Variants in DPP6 observed in about 807,000 individuals in gnomAD.
The protein encoded by DPP6 is A-type potassium channel modulatory protein DPP6.
DPP6 carries 69 observed loss-of-function variants against 122.6 expected under a neutral mutation model. The ratio of observed to expected loss-of-function variants is 0.56; its 90% CI spans 0.46 to 0.69. The LOEUF (loss-of-function observed/expected upper bound fraction) is 0.69. DPP6 is among the 30% of genes least tolerant of loss of function. DPP6 has a pLI of 0.00. For synonymous variants in DPP6, 418 were observed against 433.1 expected (o/e 0.97, Z 0.43); for missense variants, 928 against 1,116.9 (o/e 0.83, Z 2.41).
At chr7:153,851,065 A>G in the DPP6 span, among the ~76,000 whole-genome samples, 1 of 152,226 alleles carries the variant, frequency 6.6e-6, no homozygotes, top group South Asian at 2.1e-4. Flanking sequence ...ATTTCTATTT[A>G]CACCTATATT....
At position 154,804,207 on chromosome 7, in the gene DPP6, C is replaced by G. The variant is rs566089614; in HGVS notation, c.1499+252C>G. ...CAGCCCATGAAGGGAAGCACGCTAG[C>G]GGCAGTAGTAGGGGTAGTACTGATG... On this transcript the variant is annotated intron_variant, in intron 14 of 25. Coordinates refer to ENST00000377770, the MANE Select transcript of DPP6 (RefSeq NM_130797.4). Among the ~76,000 whole-genome samples the G allele has an allele frequency of 1.2e-4, 18 of 152,352 alleles. No individual in the cohort carries two copies. In the East Asian group the frequency reaches 3.5e-3, roughly 29 times the overall value.
At chr7:154,209,822 G>A (rs1585637790) in intron 1 of DPP6, among the ~76,000 whole-genome samples, 2 of 152,306 alleles carry the variant, frequency 1.3e-5, no homozygotes, top group South Asian at 4.1e-4. Flanking sequence ...TATTAAGATT[G>A]CATTTCTTCA....
At chr7:154,086,831 A>G (rs1029259214) in intron 1 of DPP6, among the ~76,000 whole-genome samples, 1 of 151,896 alleles carries the variant, frequency 6.6e-6, no homozygotes, top group Admixed American at 6.6e-5. Context: ...GTTGGCCAGG[A>G]TGGTCTCGAA....
At chr7:154,040,564 A>T (rs1799707200) in intron 1 of DPP6, among the ~76,000 whole-genome samples, 2 of 147,914 alleles carry the variant, frequency 1.4e-5, no homozygotes, top group Admixed American at 6.6e-5. Flanking sequence ...TCACATTCAA[A>T]CAACAATTCT....
At chr7:154,641,136 C>T (rs749017527) in intron 6 of DPP6, among the ~76,000 whole-genome samples, 1 of 152,152 alleles carries the variant, frequency 6.6e-6, no homozygotes, top group African/African-American at 2.4e-5. Flanking sequence ...TTCCTTCCTC[C>T]GATGGCTGTG....
intron 1 of DPP6, among the ~76,000 whole-genome samples, chr7:154,156,252 T>C (rs1796674017): frequency 6.6e-6 from 1 of 152,282 alleles, no homozygotes. Context: ...GGTATTTCTT[T>C]GGCAGGATGC....
intron 25 of DPP6, 64 bp from the exon 26 acceptor site, chr7:154,892,270 G>A: frequency 6.2e-7 from 1 of 1,609,110 alleles, no homozygotes; most frequent in African/African-American, 1.3e-5. Flanking sequence ...CACACCTTCT[G>A]TGCGTTCCCG....
intron 12 of DPP6, among the ~76,000 whole-genome samples, chr7:154,797,174 T>C (rs1297776744): frequency 6.6e-6 from 1 of 152,246 alleles, no homozygotes; most frequent in African/African-American, 2.4e-5. Flanking sequence ...CTATATATCA[T>C]GTGTTCAACC....
chr7:154,538,869 G>A (rs1218790580), intron 3 of DPP6, among the ~76,000 whole-genome samples: 1 of 152,192 alleles, frequency 6.6e-6, no homozygotes, highest in African/African-American at 2.4e-5. Context: ...ATTTGTTCAT[G>A]AAAGTATTAC....
intron 7 of DPP6, among the ~76,000 whole-genome samples, chr7:154,708,812 C>T (rs1239020395): frequency 6.6e-6 from 1 of 152,198 alleles, no homozygotes; most frequent in Non-Finnish European, 1.5e-5. Context: ...CTTTAGGAGG[C>T]AGAGACAGAC....
intron 3 of DPP6, among the ~76,000 whole-genome samples, chr7:154,514,684 C>T (rs1192948777): frequency 2.6e-5 from 4 of 152,172 alleles, no homozygotes; most frequent in African/African-American, 7.2e-5. Context: ...TAATGTCTTA[C>T]GGGTTCATCC....
the DPP6 span, among the ~76,000 whole-genome samples, chr7:153,766,814 C>G: frequency 6.6e-6 from 1 of 151,990 alleles, no homozygotes; most frequent in Admixed American, 6.5e-5. Flanking sequence ...TTTAAAAAAA[C>G]AAGCAAAAAC....
intron 7 of DPP6, among the ~76,000 whole-genome samples, chr7:154,688,754 GT>G (rs1839772465): frequency 1.3e-5 from 2 of 152,048 alleles, no homozygotes; most frequent in African/African-American, 4.8e-5. Context: ...TGATTAGATT[GT>G]GCCCACCCGA....
chr7:153,886,838 C>T (rs527302703), upstream of DPP6, among the ~76,000 whole-genome samples: 2 of 152,310 alleles, frequency 1.3e-5, no homozygotes, highest in South Asian at 2.1e-4. Flanking sequence ...CCGCGTCTGG[C>T]TCTTCCCGGC....
At chr7:153,788,504 C>A in the DPP6 span, among the ~76,000 whole-genome samples, 1 of 152,204 alleles carries the variant, frequency 6.6e-6, no homozygotes, top group African/African-American at 2.4e-5. Context: ...GACATTTTAA[C>A]ATAAAATTAT....
chr7:153,815,132 T>A, the DPP6 span, among the ~76,000 whole-genome samples: 1 of 152,192 alleles, frequency 6.6e-6, no homozygotes, highest in South Asian at 2.1e-4. Flanking sequence ...GAGAAGGAAA[T>A]AAAGGGTATT....
chr7:153,945,551 C>T (rs1448537177), intron 1 of DPP6, among the ~76,000 whole-genome samples: 2 of 152,108 alleles, frequency 1.3e-5, no homozygotes, highest in African/African-American at 2.4e-5. Context: ...TAGAGAGCAC[C>T]TCGTATAAGA....
chr7:154,604,933 A>T lies in DPP6; in HGVS notation c.628-32888A>T, dbSNP rs748823129. 2.5e-5 allele frequency among the ~76,000 whole-genome samples: 3 copies of T among 119,908 alleles called. 1 individual carries two copies. The highest frequency in any genetic ancestry group is 5.6e-5 in the Non-Finnish European group (3 of 53,314). 78.7% of individuals were successfully genotyped at this position (119,908 alleles called of 152,430 possible). ...ATCCAATGTTAGCCCAGAAACCATG[A>T]CAGCATGCACTTTAGTCTTCCTCTT... On this transcript the variant is annotated intron_variant, in intron 5 of 25. Coordinates refer to ENST00000377770, the MANE Select transcript of DPP6 (RefSeq NM_130797.4).
At chr7:154,478,220 C>T (rs1371384324) in intron 3 of DPP6, among the ~76,000 whole-genome samples, 2 of 152,076 alleles carry the variant, frequency 1.3e-5, no homozygotes, top group African/African-American at 4.8e-5. Context: ...ATAGGATTAT[C>T]TCATGTTGTA....
Sources: allele counts gnomAD v4.1 joint callset (sites outside exome capture counted in the v4.1 genomes callset), GRCh38; gene constraint gnomAD v4.1.1; transcripts MANE v1.5; gene names NCBI Gene and HGNC (gene_info 2026-07-23, HGNC 2026-07-21).